Variants in KCTD15 observed in about 807,000 individuals in gnomAD.
The protein encoded by KCTD15 is potassium channel tetramerization domain containing 15, also known as BTB/POZ domain-containing protein KCTD15.
Under a neutral mutation model 27.2 loss-of-function variants are expected in KCTD15, and 11 were observed. That is an observed-to-expected ratio of 0.41 (90% CI 0.25 to 0.67). The LOEUF (loss-of-function observed/expected upper bound fraction) is 0.67, where lower values mean the gene tolerates loss of function less well. KCTD15 is among the 30% of genes least tolerant of loss of function. KCTD15 has a pLI of 0.35. For missense variants in KCTD15, 350 were observed against 409.3 expected (o/e 0.86, Z 1.25); for synonymous variants, 163 against 176.0 (o/e 0.93, Z 0.58).
At chr19:33,802,141 C>T (rs964740458) in intron 4 of KCTD15, among the ~76,000 whole-genome samples, 2 of 152,150 alleles carry the variant, frequency 1.3e-5, no homozygotes, top group Non-Finnish European at 2.9e-5. Context: ...CCCGTTGGCA[C>T]GGCAGCAGGG....
intron 5 of KCTD15, 70 bp from the exon 6 acceptor site, chr19:33,811,177 T>C (rs906565575): frequency 3.8e-5 from 30 of 785,886 alleles, no homozygotes; most frequent in East Asian, 1.3e-4. Flanking sequence ...GCAGGCCGCC[T>C]CCCCTCTCCC....
rs1178073540 is a variant in KCTD15, at chr19:33,812,894, G to T, written c.798G>T (p.Arg266=). ...AGTATGTGCTTTGCCGGGAGGAGCG[G>T]CGGCCGCAGCCCACCCCCACTGCTG... ...FSEYVLCREE[R]RPQPTPTAVR... The change falls in exon 7 of 7, where the codon CGG becomes CGT. Residue 266 remains arginine, a synonymous_variant. Coordinates refer to ENST00000683859, the MANE Select transcript of KCTD15 (RefSeq NM_001129994.2). 2 of 1,549,982 alleles carry T rather than the reference G, an allele frequency of 1.3e-6. No homozygotes were observed. Among genetic ancestry groups the T allele is most frequent in the East Asian group, 2.4e-5 (1 of 40,864 alleles).
Position 33,813,451 on chromosome 19 carries a change from T to TCAGA in KCTD15, c.*505_*508dup. 1 of 454,720 alleles carries TCAGA rather than the reference T, an allele frequency of 2.2e-6. No individual in the cohort carries two copies. Among genetic ancestry groups the TCAGA allele is most frequent in the Non-Finnish European group, 4.4e-6 (1 of 226,030 alleles). 28.2% of individuals were successfully genotyped at this position (454,720 alleles called of 1,614,324 possible). ...TCTTTATCTGGTGCTCAGTTCTCAG[T>TCAGA]CAGACGTGCAGCATGGCTGCAGGGT... On this transcript the variant is annotated 3_prime_UTR_variant, in exon 7 of 7. Coordinates refer to ENST00000683859, the MANE Select transcript of KCTD15 (RefSeq NM_001129994.2).
chr19:33,805,904 G>A (rs904593744), intron 4 of KCTD15, among the ~76,000 whole-genome samples: 1 of 152,208 alleles, frequency 6.6e-6, no homozygotes, highest in Non-Finnish European at 1.5e-5. Context: ...GAGTGGACAG[G>A]GACAGGCATC....
At chr19:33,808,375 A>C (rs371135586) in intron 5 of KCTD15, among the ~76,000 whole-genome samples, 2 of 151,072 alleles carry the variant, frequency 1.3e-5, no homozygotes, top group African/African-American at 4.8e-5. Flanking sequence ...CTTGAAGTCC[A>C]TGTGACCTGG....
chr19:33,800,509 ACCGG>A lies in KCTD15; in HGVS notation c.57_60del (p.Gly20ProfsTer62). The A allele has an allele frequency of 6.3e-7, 1 of 1,599,236 alleles. No homozygotes were observed. Among genetic ancestry groups the A allele is most frequent in the Non-Finnish European group, 8.5e-7 (1 of 1,174,356 alleles). On this transcript the variant is annotated frameshift_variant, in exon 3 of 7. Transcript: ENST00000683859. LOFTEE classifies it high-confidence loss of function. ...GTCCTCGCTTCACACACACGGCAGC[ACCGG>A]CACCGCGGTGAGCCTGCAGGGTGGG...
At chr19:33,805,912 A>G (rs182934365) in intron 4 of KCTD15, among the ~76,000 whole-genome samples, 83 of 152,330 alleles carry the variant, frequency 5.4e-4, no homozygotes, top group African/African-American at 1.9e-3. Flanking sequence ...AGGGACAGGC[A>G]TCAGGGGCTC....
chr19:33,812,830 C>T lies in KCTD15; in HGVS notation c.734C>T (p.Ala245Val), dbSNP rs574787608. Residue 245 changes from alanine to valine, a missense_variant, in exon 7 of 7, where the codon GCG (alanine) becomes GTG (valine). Ala to Val is a moderately conservative substitution (Grantham distance 64). This residue lies in a region of KCTD15 where 219 missense variants were observed against 234.9 expected (regional missense o/e 0.93). Transcript: ENST00000683859. ...TTCCAGAGGGGTTTCAGCGTGGCTGCGTCCTGTGGGGGCGGTGTGGACTCC... is the reference window on the plus strand; with the variant it reads ...TTCCAGAGGGGTTTCAGCGTGGCTGTGTCCTGTGGGGGCGGTGTGGACTCC... The part of the protein sequence containing the change: ...RLFQRGFSVA[A>V]SCGGGVDSSQ... 5.3e-6 allele frequency: 8 copies of T among 1,518,050 alleles called. No individual in the cohort carries two copies. Among genetic ancestry groups the T allele is most frequent in the South Asian group, 2.5e-5 (2 of 78,698 alleles). 94.0% of individuals were successfully genotyped at this position (1,518,050 alleles called of 1,614,324 possible).
At chr19:33,795,150 C>A (rs1203308515), upstream of KCTD15, among the ~76,000 whole-genome samples, 2 of 152,240 alleles carry the variant, frequency 1.3e-5, no homozygotes, top group South Asian at 2.1e-4. Flanking sequence ...TTTACAACAT[C>A]TTCTGCATAT....
intron 6 of KCTD15, 108 bp from the exon 7 acceptor site, chr19:33,812,682 A>T: frequency 7.2e-7 from 1 of 1,394,064 alleles, no homozygotes; most frequent in Non-Finnish European, 9.3e-7. Context: ...TCGTCACAGG[A>T]GAAGGTGCCC....
upstream of KCTD15, among the ~76,000 whole-genome samples, chr19:33,795,053 T>TAAGA (rs1975274555): frequency 1.3e-5 from 2 of 152,238 alleles, no homozygotes; most frequent in Non-Finnish European, 2.9e-5. Context: ...GGCTTCTTTC[T>TAAGA]GTTCCAGGAG....
chr19:33,806,335 A>G (rs546656808), intron 4 of KCTD15, among the ~76,000 whole-genome samples: 1 of 152,110 alleles, frequency 6.6e-6, no homozygotes, highest in Non-Finnish European at 1.5e-5. Flanking sequence ...GAAGGAAGGG[A>G]CCATGTGACC....
chr19:33,807,198 A>G (rs187545172), intron 5 of KCTD15, among the ~76,000 whole-genome samples, 191 bp downstream of exon 5: 1 of 152,390 alleles, frequency 6.6e-6, no homozygotes, highest in East Asian at 1.9e-4. Flanking sequence ...ATCAGGGTAT[A>G]TAACAACAAT....
chr19:33,795,373 C>A (rs889148594), upstream of KCTD15, among the ~76,000 whole-genome samples: 1 of 152,162 alleles, frequency 6.6e-6, no homozygotes, highest in Non-Finnish European at 1.5e-5. Context: ...AAGCCCCCCC[C>A]ACTTCACCTT....
chr19:33,806,488 A>G (rs1369149393), intron 4 of KCTD15, among the ~76,000 whole-genome samples: 3 of 152,034 alleles, frequency 2.0e-5, no homozygotes, highest in East Asian at 1.9e-4. Context: ...GGGTGGGTCT[A>G]TCTGGCAAGG....
chr19:33,812,099 AG>A, intron 6 of KCTD15: 3 of 1,321,686 alleles, frequency 2.3e-6, no homozygotes, highest in Non-Finnish European at 2.9e-6. Context: ...TTTCCGGGTT[AG>A]GGTGGAATGG....
intron 5 of KCTD15, among the ~76,000 whole-genome samples, chr19:33,810,328 C>G (rs1328133916): frequency 6.6e-6 from 1 of 152,206 alleles, no homozygotes; most frequent in Non-Finnish European, 1.5e-5. Flanking sequence ...CTGGACCAGG[C>G]ACTTGGCACA....
intron 4 of KCTD15, among the ~76,000 whole-genome samples, chr19:33,804,256 C>G (rs1975648739): frequency 6.6e-6 from 1 of 152,224 alleles, no homozygotes; most frequent in Admixed American, 6.5e-5. Flanking sequence ...TATACTGAAC[C>G]ATGGAAAGAT....
intron 5 of KCTD15, among the ~76,000 whole-genome samples, chr19:33,807,506 C>T (rs1381072559): frequency 6.6e-6 from 1 of 152,080 alleles, no homozygotes; most frequent in Non-Finnish European, 1.5e-5. Flanking sequence ...GGTGGATCAC[C>T]AGGTCAGGAG....
Sources: gnomAD v4.1 joint callset for allele counts (sites outside exome capture counted in the v4.1 genomes callset) on GRCh38, gnomAD v4.1.1 for gene constraint, gnomAD v4.1.1 regional missense constraint, MANE v1.5 for transcripts, NCBI Gene and HGNC (gene_info 2026-07-23, HGNC 2026-07-21) for gene names.